The following EPHX2 variants were observed in gnomAD, a reference collection of about 807,000 sequenced individuals.
EPHX2 encodes the protein bifunctional epoxide hydrolase 2.
A neutral mutation model predicts 78.7 loss-of-function variants in EPHX2; 74 were observed. That is an observed-to-expected ratio of 0.94 (90% CI 0.78 to 1.14). The LOEUF (loss-of-function observed/expected upper bound fraction) is 1.14. Ranked by LOEUF, EPHX2 falls within the 50% of genes most tolerant of loss-of-function variation. EPHX2 has a pLI of 0.00. For missense variants in EPHX2, 715 were observed against 702.5 expected (o/e 1.02, Z -0.20); for synonymous variants, 251 against 255.2 (o/e 0.98, Z 0.16).
At chr8:27,507,926 TAG>T (rs554604342) in intron 5 of EPHX2, among the ~76,000 whole-genome samples, 73 of 152,292 alleles carry the variant, frequency 4.8e-4, no homozygotes, top group African/African-American at 1.6e-3. Context: ...CAGATTGCAC[TAG>T]GTCCCACCCT....
intron 2 of EPHX2, 104 bp downstream of exon 2, chr8:27,501,114 T>A: frequency 1.1e-6 from 1 of 903,632 alleles, no homozygotes; most frequent in East Asian, 2.5e-5. Context: ...ACCCACCTTT[T>A]CTGTGAAGAC....
intron 1 of EPHX2, among the ~76,000 whole-genome samples, chr8:27,494,814 G>A (rs1358408345): frequency 6.6e-6 from 1 of 152,222 alleles, no homozygotes; most frequent in Non-Finnish European, 1.5e-5. Flanking sequence ...ATTTTCCACT[G>A]GCTGGCTTCG....
chr8:27,522,922 T>C (rs1025847379), intron 11 of EPHX2, among the ~76,000 whole-genome samples: 24 of 140,838 alleles, frequency 1.7e-4, no homozygotes, highest in Middle Eastern at 4.7e-3. Flanking sequence ...GATCATGCCA[T>C]TGCCCTCCAG....
chr8:27,518,887 C>T, intron 9 of EPHX2, among the ~76,000 whole-genome samples: 1 of 152,232 alleles, frequency 6.6e-6, no homozygotes, highest in East Asian at 1.9e-4. Flanking sequence ...GTGTCTCCCC[C>T]AAAGTCCTAC....
intron 5 of EPHX2, among the ~76,000 whole-genome samples, chr8:27,510,523 T>C (rs1313551048): frequency 6.6e-6 from 1 of 152,126 alleles, no homozygotes; most frequent in African/African-American, 2.4e-5. Context: ...TCCCCCAAAA[T>C]TAATACAGTG....
At chr8:27,543,971 C>T in intron 17 of EPHX2, 142 bp downstream of exon 17, 2 of 980,030 alleles carry the variant, frequency 2.0e-6, no homozygotes, top group Non-Finnish European at 3.1e-6. Context: ...ACATCACTGT[C>T]CCCCCATTGC....
At chr8:27,536,440 C>A (rs1815214461) in intron 12 of EPHX2, among the ~76,000 whole-genome samples, 1 of 152,076 alleles carries the variant, frequency 6.6e-6, no homozygotes, top group Admixed American at 6.5e-5. Flanking sequence ...TCTCTTCTTA[C>A]CACCAGTCAG....
intron 11 of EPHX2, among the ~76,000 whole-genome samples, chr8:27,523,823 G>A (rs376605161): frequency 1.3e-5 from 2 of 151,938 alleles, no homozygotes; most frequent in South Asian, 4.2e-4. Context: ...TAAGAACTGG[G>A]TTCACCAAAA....
intron 11 of EPHX2, among the ~76,000 whole-genome samples, chr8:27,525,099 T>C (rs1439920703): frequency 0.017 from 2,307 of 136,078 alleles, 26 homozygotes; most frequent in Middle Eastern, 0.053. Flanking sequence ...TGTGTGTGTG[T>C]GTGTGTGTGC....
intron 9 of EPHX2, among the ~76,000 whole-genome samples, chr8:27,518,903 T>C (rs1814551873): frequency 6.6e-6 from 1 of 152,184 alleles, no homozygotes; most frequent in African/African-American, 2.4e-5. Flanking sequence ...CCTACCAAGG[T>C]CTCACCAGTG....
chr8:27,532,421 G>C (rs2132782559), intron 12 of EPHX2, among the ~76,000 whole-genome samples: 1 of 152,294 alleles, frequency 6.6e-6, no homozygotes, highest in South Asian at 2.1e-4. Flanking sequence ...CTCTGGATAG[G>C]GGCTTCTCCT....
chr8:27,538,290 A>G (rs186650572), intron 13 of EPHX2, among the ~76,000 whole-genome samples: 4 of 152,278 alleles, frequency 2.6e-5, no homozygotes, highest in African/African-American at 9.6e-5. Flanking sequence ...TGGATTTACC[A>G]TGGAGGAGCA....
In EPHX2 at chr8:27,506,920, T is replaced by G. The variant is rs1455534369; in HGVS notation, c.586T>G (p.Leu196Val). ...GGCTAATCTGAAGCCAGCCCGTGAC[T>G]TGGGAATGGTCACCATCCTGGTCCA... ...IGANLKPARD[L>V]GMVTILVQDT... Residue 196 changes from leucine (L) to valine (V), a missense_variant, in exon 5 of 19, where the codon TTG becomes GTG. By Grantham distance (32) the Leu-to-Val change is conservative (BLOSUM62 1). Coordinates refer to ENST00000521400, the MANE Select transcript of EPHX2 (RefSeq NM_001979.6). 4 of 1,614,136 alleles carry G rather than the reference T, an allele frequency of 2.5e-6. No homozygotes were observed. Among genetic ancestry groups the G allele is most frequent in the South Asian group, 2.2e-5 (2 of 91,074 alleles).
chr8:27,541,269 G>A (rs1484793837), intron 15 of EPHX2, among the ~76,000 whole-genome samples: 1 of 152,224 alleles, frequency 6.6e-6, no homozygotes, highest in Non-Finnish European at 1.5e-5. Flanking sequence ...GTGGAGTCCT[G>A]TGTCCTTGCA....
Position 27,544,693 on chromosome 8 carries a change from A to C in EPHX2, c.*171A>C. 1.5e-6 allele frequency: 1 copy of C among 648,518 alleles called. No homozygotes were observed. The highest frequency in any genetic ancestry group is 2.7e-6 in the Non-Finnish European group (1 of 376,626). 40.2% of individuals were successfully genotyped at this position (648,518 alleles called of 1,614,324 possible). ...TTACATAAAGTGAATCAAATTTGACATTATTTTAGATCCCAGAGAAATCAG... is the reference window on the plus strand; with the variant it reads ...TTACATAAAGTGAATCAAATTTGACCTTATTTTAGATCCCAGAGAAATCAG... On this transcript the variant is annotated 3_prime_UTR_variant, in exon 19 of 19. Coordinates refer to ENST00000521400, the MANE Select transcript of EPHX2 (RefSeq NM_001979.6).
chr8:27,491,226 C>G lies in EPHX2; in HGVS notation c.18C>G (p.Ala6=), dbSNP rs371631220. The change falls in exon 1 of 19, where the codon GCC becomes GCG. Residue 6 remains alanine (A), a synonymous_variant. Coordinates refer to ENST00000521400, the MANE Select transcript of EPHX2 (RefSeq NM_001979.6). ...CCGCCGCCATGACGCTGCGCGCGGC[C>G]GTCTTCGACCTTGACGGGGTGCTGG... MTLRA[A]VFDLDGVLAL... The G allele has an allele frequency of 1.9e-6, 3 of 1,583,800 alleles. No homozygotes were observed. The highest frequency in any genetic ancestry group is 1.4e-5 in the African/African-American group (1 of 73,426).
intron 14 of EPHX2, among the ~76,000 whole-genome samples, chr8:27,539,880 G>T (rs1405131094): frequency 6.6e-6 from 1 of 152,186 alleles, no homozygotes; most frequent in East Asian, 1.9e-4. Context: ...TGTGCCTCCG[G>T]GTCTTCGTGA....
intron 1 of EPHX2, 105 bp downstream of exon 1, chr8:27,491,414 C>G: frequency 1.3e-6 from 1 of 751,436 alleles, no homozygotes. Flanking sequence ...CGGAGCCCTG[C>G]GAATCATGCG....
intron 1 of EPHX2, among the ~76,000 whole-genome samples, chr8:27,491,941 CT>C (rs567655638): frequency 3.4e-5 from 5 of 147,728 alleles, no homozygotes; most frequent in Admixed American, 6.7e-5. Flanking sequence ...TTCTCTCTCT[CT>C]TTTTTTTGTG....
Sources: gnomAD v4.1 joint callset for allele counts (sites outside exome capture counted in the v4.1 genomes callset) on GRCh38, gnomAD v4.1.1 for gene constraint, MANE v1.5 for transcripts, NCBI Gene and HGNC (gene_info 2026-07-23, HGNC 2026-07-21) for gene names.